The following DGKB variants were observed in gnomAD, a reference collection of about 807,000 sequenced individuals.
The protein encoded by DGKB is 90 kDa diacylglycerol kinase.
Under a neutral mutation model 114.3 loss-of-function variants are expected in DGKB, and 67 were observed. The observed-to-expected ratio is 0.59, with a 90% CI of 0.48 to 0.72. The LOEUF (loss-of-function observed/expected upper bound fraction) is 0.72, where lower values mean the gene tolerates loss of function less well. DGKB is among the 30% of genes least tolerant of loss of function. The pLI is 0.00. For missense variants in DGKB, 907 were observed against 975.2 expected (o/e 0.93, Z 0.93); for synonymous variants, 398 against 323.1 (o/e 1.23, Z -2.49).
rs114273826 is a variant in DGKB at position 14,465,225 on chromosome 7, C to T, written c.1835+12936G>A. ...CTTCCCTGTAGGCCCAAAGGCTTTA[C>T]AAGAGCAGAGAGGATATTTCATATT... On this transcript the variant is annotated intron_variant, in intron 21 of 25. Coordinates refer to ENST00000402815, the MANE Select transcript of DGKB (RefSeq NM_001350709.2). 2.3e-3 allele frequency among the ~76,000 whole-genome samples: 342 copies of T among 150,790 alleles called. 1 individual carries two copies. Among genetic ancestry groups the T allele is most frequent in the African/African-American group, 8.3e-3 (335 of 40,224 alleles).
chr7:14,356,352 CTTTTTTTTTTTT>C (rs997102742), intron 21 of DGKB, among the ~76,000 whole-genome samples: 1 of 77,222 alleles, frequency 1.3e-5, no homozygotes, highest in Admixed American at 1.5e-4. Context: ...TTCTCTAGTT[CTTTTTTTTTTTT>C]TTTTTTTTTT....
At chr7:14,814,346 G>A (rs1843816224) in intron 2 of DGKB, among the ~76,000 whole-genome samples, 2 of 151,970 alleles carry the variant, frequency 1.3e-5, no homozygotes, top group African/African-American at 4.8e-5. Flanking sequence ...ATAAAGTGAT[G>A]GAAAAAAATG....
intron 21 of DGKB, among the ~76,000 whole-genome samples, chr7:14,422,193 A>C (rs979778814): frequency 3.3e-5 from 5 of 152,092 alleles, no homozygotes; most frequent in African/African-American, 1.2e-4. Flanking sequence ...AATTGTTTCT[A>C]AATATGATTA....
chr7:14,878,831 C>A, intron 1 of DGKB, among the ~76,000 whole-genome samples: 2 of 150,844 alleles, frequency 1.3e-5, no homozygotes, highest in South Asian at 4.2e-4. Flanking sequence ...ATTAAAACAT[C>A]TCACAAACTA....
intron 4 of DGKB, among the ~76,000 whole-genome samples, chr7:14,737,809 A>G (rs1336106243): frequency 1.3e-5 from 2 of 151,844 alleles, no homozygotes; most frequent in Non-Finnish European, 2.9e-5. Flanking sequence ...AATATTGTCA[A>G]TTCTAGCCCG....
chr7:14,487,417 T>C (rs565349411), intron 20 of DGKB, among the ~76,000 whole-genome samples: 6 of 152,224 alleles, frequency 3.9e-5, no homozygotes, highest in African/African-American at 1.4e-4. Flanking sequence ...CCAATAAGCA[T>C]AAAAGGAGCT....
chr7:14,729,855 T>C (rs1830660096), intron 5 of DGKB, among the ~76,000 whole-genome samples: 1 of 152,172 alleles, frequency 6.6e-6, no homozygotes. Context: ...TTCTAGCATA[T>C]AATGAGTTTA....
At chr7:14,268,568 T>G (rs1158921544) in intron 23 of DGKB, among the ~76,000 whole-genome samples, 8 of 152,158 alleles carry the variant, frequency 5.3e-5, no homozygotes. Flanking sequence ...TTTCTAAGAT[T>G]TAAAAATGAG....
At chr7:14,535,659 C>T (rs780006452) in intron 20 of DGKB, among the ~76,000 whole-genome samples, 2 of 152,162 alleles carry the variant, frequency 1.3e-5, no homozygotes, top group Non-Finnish European at 2.9e-5. Flanking sequence ...GTGATCTCAG[C>T]TTACTGCAAC....
At chr7:14,972,387 T>A (rs968506472) in intron 1 of DGKB, among the ~76,000 whole-genome samples, 4 of 152,178 alleles carry the variant, frequency 2.6e-5, no homozygotes, top group African/African-American at 7.2e-5. Context: ...ATCCTAAATT[T>A]ATAAGCAACA....
intron 7 of DGKB, among the ~76,000 whole-genome samples, chr7:14,698,834 A>G (rs1824575224): frequency 6.6e-6 from 1 of 152,070 alleles, no homozygotes; most frequent in Non-Finnish European, 1.5e-5. Context: ...TAATGTTTTA[A>G]TTTTTCTCTA....
At chr7:14,187,174 C>G (rs1291307239) in intron 23 of DGKB, among the ~76,000 whole-genome samples, 1 of 152,104 alleles carries the variant, frequency 6.6e-6, no homozygotes, top group Non-Finnish European at 1.5e-5. Flanking sequence ...TACAAAGCTC[C>G]CATTTATAAT....
intron 23 of DGKB, among the ~76,000 whole-genome samples, chr7:14,244,371 T>A (rs1363131100): frequency 1.3e-5 from 2 of 152,084 alleles, no homozygotes; most frequent in Non-Finnish European, 2.9e-5. Flanking sequence ...TAGAAGAGGG[T>A]GCTGGCCGGG....
intron 20 of DGKB, among the ~76,000 whole-genome samples, chr7:14,492,905 A>T (rs1396681847): frequency 6.6e-6 from 1 of 152,132 alleles, no homozygotes; most frequent in Non-Finnish European, 1.5e-5. Context: ...GGCTGTCATA[A>T]ATAGTAATAG....
intron 6 of DGKB, among the ~76,000 whole-genome samples, chr7:14,702,144 T>C (rs1358667093): frequency 6.6e-6 from 1 of 152,118 alleles, no homozygotes; most frequent in African/African-American, 2.4e-5. Context: ...CTATTCACAA[T>C]TATAAGAGCT....
At chr7:14,721,512 T>C (rs1446863893) in intron 5 of DGKB, among the ~76,000 whole-genome samples, 1 of 152,184 alleles carries the variant, frequency 6.6e-6, no homozygotes. Context: ...CATGTATTTA[T>C]CACATGGAAT....
At chr7:14,538,972 G>A (rs1206062277) in intron 20 of DGKB, among the ~76,000 whole-genome samples, 1 of 152,082 alleles carries the variant, frequency 6.6e-6, no homozygotes, top group Admixed American at 6.5e-5. Context: ...ACCAAGCAAC[G>A]GTGGAGGTGG....
At chr7:14,616,590 CT>C (rs966118698) in intron 15 of DGKB, among the ~76,000 whole-genome samples, 4 of 151,692 alleles carry the variant, frequency 2.6e-5, no homozygotes, top group African/African-American at 7.2e-5. Context: ...ATTCTGTCAG[CT>C]GAAAACTATT....
At chr7:14,322,605 A>T (rs1249716484) in intron 23 of DGKB, among the ~76,000 whole-genome samples, 1 of 152,176 alleles carries the variant, frequency 6.6e-6, no homozygotes, top group Non-Finnish European at 1.5e-5. Flanking sequence ...TAATAAATGG[A>T]TACATTGGAC....
Sources: allele counts gnomAD v4.1 joint callset (sites outside exome capture counted in the v4.1 genomes callset), GRCh38; gene constraint gnomAD v4.1.1; transcripts MANE v1.5; gene names NCBI Gene and HGNC (gene_info 2026-07-23, HGNC 2026-07-21).